Variants in DIS3L2 observed in about 807,000 individuals in gnomAD.
DIS3L2 encodes the protein DIS3 like 3'-5' exoribonuclease 2.
A neutral mutation model predicts 97.5 loss-of-function variants in DIS3L2; 34 were observed. The observed-to-expected ratio is 0.35, with a 90% confidence interval of 0.27 to 0.46. The LOEUF (loss-of-function observed/expected upper bound fraction) is 0.46, where lower values mean the gene tolerates loss of function less well. Ranked by LOEUF, DIS3L2 falls within the 20% of genes least tolerant of loss-of-function variation. The pLI, the probability that DIS3L2 is intolerant of heterozygous loss-of-function variation, is 1.00. For synonymous variants in DIS3L2, 435 were observed against 445.2 expected, an observed-to-expected ratio of 0.98 and a Z score of 0.29; for missense variants, 1,038 against 1,146.0, an observed-to-expected ratio of 0.91 and a Z score of 1.36.
At chr2:232,213,464 T>G (rs1227523350) in intron 10 of DIS3L2, among the ~76,000 whole-genome samples, 1 of 152,120 alleles carries the variant, frequency 6.6e-6, no homozygotes, top group East Asian at 1.9e-4. Flanking sequence ...AGTTGGCCTT[T>G]GTGACAACAG....
intron 16 of DIS3L2, among the ~76,000 whole-genome samples, 185 bp downstream of exon 16, chr2:232,330,961 A>AG (rs1342593528): frequency 6.6e-6 from 1 of 152,150 alleles, no homozygotes; most frequent in Non-Finnish European, 1.5e-5. Context: ...AGCACCTAGG[A>AG]GGGGGCACCC....
intron 1 of DIS3L2, among the ~76,000 whole-genome samples, chr2:231,990,495 T>A (rs1693554471): frequency 6.6e-6 from 1 of 152,220 alleles, no homozygotes; most frequent in East Asian, 1.9e-4. Context: ...ATGACTTTAA[T>A]CGTAGTAATA....
At chr2:232,313,182 G>A (rs1695181133) in intron 14 of DIS3L2, among the ~76,000 whole-genome samples, 2 of 152,188 alleles carry the variant, frequency 1.3e-5, no homozygotes, top group African/African-American at 4.8e-5. Context: ...AAACAGAAGA[G>A]TTTTTACCAC....
chr2:232,261,988 C>T (rs992174321), intron 12 of DIS3L2, among the ~76,000 whole-genome samples: 1 of 152,176 alleles, frequency 6.6e-6, no homozygotes, highest in Non-Finnish European at 1.5e-5. Context: ...CAATGCCTGT[C>T]TCATAGCAAT....
chr2:232,052,681 G>A (rs1470404959), intron 5 of DIS3L2, among the ~76,000 whole-genome samples: 1 of 152,130 alleles, frequency 6.6e-6, no homozygotes, highest in East Asian at 1.9e-4. Flanking sequence ...CTCTGCATGT[G>A]TCTCTTCCTC....
At chr2:232,080,733 T>G (rs1696361960) in intron 5 of DIS3L2, among the ~76,000 whole-genome samples, 1 of 151,906 alleles carries the variant, frequency 6.6e-6, no homozygotes, top group African/African-American at 2.4e-5. Flanking sequence ...AAACCCCATC[T>G]CTACAAAAAA....
At chr2:232,218,406 A>G (rs1692404154) in intron 10 of DIS3L2, among the ~76,000 whole-genome samples, 1 of 152,172 alleles carries the variant, frequency 6.6e-6, no homozygotes, top group Non-Finnish European at 1.5e-5. Context: ...TTTCTTCAGT[A>G]ATTCTCAGCC....
intron 13 of DIS3L2, among the ~76,000 whole-genome samples, chr2:232,279,222 C>T (rs1305585539): frequency 6.7e-6 from 1 of 148,340 alleles, no homozygotes; most frequent in Non-Finnish European, 1.5e-5. Flanking sequence ...CAGGCGTGAG[C>T]CACCATGGCC....
rs191443358 is a variant in DIS3L2, at chr2:232,288,204, G to A, written c.1660-11836G>A. ...CCAGATATTTGGCCTTGTCTGGGAG[G>A]AAGGAAGCAGAATTAGCACGGAATC... is the stretch of plus-strand genomic sequence containing the variant. On this transcript the variant is annotated intron_variant, in intron 13 of 20. Transcript: ENST00000325385. Among the ~76,000 whole-genome samples, 307 of 152,340 alleles carry A rather than the reference G, an allele frequency of 2.0e-3. 1 individual carries two copies. Among genetic ancestry groups the A allele is most frequent in the African/African-American group, 7.2e-3 (298 of 41,582 alleles).
chr2:232,166,992 G>A (rs1351691731), intron 9 of DIS3L2, among the ~76,000 whole-genome samples: 3 of 150,280 alleles, frequency 2.0e-5, no homozygotes, highest in Non-Finnish European at 2.9e-5. Flanking sequence ...CTGCCTGGAC[G>A]ATAGAGTGCG....
At chr2:232,278,621 G>T (rs530515710) in intron 13 of DIS3L2, among the ~76,000 whole-genome samples, 1 of 152,146 alleles carries the variant, frequency 6.6e-6, no homozygotes, top group Non-Finnish European at 1.5e-5. Context: ...TTTGAGGGTC[G>T]TCCATGTTGT....
At chr2:232,342,193 A>C (rs1696118950) in intron 13 of DIS3L2, among the ~76,000 whole-genome samples, 1 of 145,930 alleles carries the variant, frequency 6.9e-6, no homozygotes, top group South Asian at 2.1e-4. Context: ...GTATACATAT[A>C]TACACATACA....
At chr2:231,976,365 C>T (rs1175283813) in intron 1 of DIS3L2, among the ~76,000 whole-genome samples, 2 of 152,100 alleles carry the variant, frequency 1.3e-5, no homozygotes, top group East Asian at 3.9e-4. Context: ...CACGGTAGCT[C>T]ACGCCTGTAA....
chr2:232,055,120 G>A (rs954457972), intron 5 of DIS3L2, among the ~76,000 whole-genome samples: 1 of 152,190 alleles, frequency 6.6e-6, no homozygotes, highest in Non-Finnish European at 1.5e-5. Context: ...TACAAAAGCC[G>A]ACAGTAAACA....
At chr2:232,326,697 C>T (rs1471089816) in intron 14 of DIS3L2, among the ~76,000 whole-genome samples, 1 of 147,108 alleles carries the variant, frequency 6.8e-6, no homozygotes, top group Non-Finnish European at 1.5e-5. Context: ...CTTAATGTGG[C>T]CTAACTAGTT....
At chr2:232,275,725 T>C (rs1694122948) in intron 13 of DIS3L2, among the ~76,000 whole-genome samples, 1 of 152,232 alleles carries the variant, frequency 6.6e-6, no homozygotes, top group South Asian at 2.1e-4. Flanking sequence ...CATGTTTTTT[T>C]AGTATCTACC....
At chr2:232,084,169 A>G (rs1055843448) in intron 5 of DIS3L2, among the ~76,000 whole-genome samples, 3 of 152,062 alleles carry the variant, frequency 2.0e-5, no homozygotes, top group African/African-American at 4.8e-5. Flanking sequence ...TTATTTTTGG[A>G]TGATCTTCTT....
intron 8 of DIS3L2, among the ~76,000 whole-genome samples, chr2:232,163,217 C>T (rs555862553): frequency 1.2e-4 from 18 of 152,176 alleles, no homozygotes; most frequent in Non-Finnish European, 2.4e-4. Context: ...GGCTCTGTTT[C>T]TCAAGTCAGA....
At chr2:232,255,970 G>A (rs759682702) in intron 12 of DIS3L2, among the ~76,000 whole-genome samples, 1 of 152,098 alleles carries the variant, frequency 6.6e-6, no homozygotes, top group Non-Finnish European at 1.5e-5. Flanking sequence ...TAATACCTGC[G>A]TCCAAGCTAT....
Sources: allele counts gnomAD v4.1 joint callset (sites outside exome capture counted in the v4.1 genomes callset), GRCh38; gene constraint gnomAD v4.1.1; transcripts MANE v1.5; gene names NCBI Gene and HGNC (gene_info 2026-07-23, HGNC 2026-07-21).